The following VPS54 variants were observed in gnomAD, a reference collection of about 807,000 sequenced individuals.
The protein encoded by VPS54 is vacuolar protein sorting-associated protein 54.
In VPS54, 45 loss-of-function variants were observed where a neutral mutation model predicts 121.5. The ratio of observed to expected loss-of-function variants is 0.37; its 90% CI spans 0.29 to 0.47. VPS54 has a LOEUF of 0.47. Ranked by LOEUF, VPS54 falls within the 20% of genes least tolerant of loss-of-function variation. The pLI is 0.99. For missense variants in VPS54, 1,090 were observed against 1,131.4 expected (o/e 0.96, Z 0.52); for synonymous variants, 371 against 385.8 (o/e 0.96, Z 0.45).
intron 11 of VPS54, among the ~76,000 whole-genome samples, chr2:63,938,750 C>A (rs551964225): frequency 6.6e-6 from 1 of 152,284 alleles, no homozygotes; most frequent in South Asian, 2.1e-4. Context: ...CAGGCGTGAG[C>A]CACCACGCCA....
chr2:63,991,365 C>T (rs1482065728), intron 1 of VPS54, among the ~76,000 whole-genome samples: 4 of 152,186 alleles, frequency 2.6e-5, no homozygotes, highest in Non-Finnish European at 5.9e-5. Context: ...GCCATGCATT[C>T]CATCCAATGA....
In VPS54 at chr2:63,965,971, TA is replaced by T. The variant is rs776582501; in HGVS notation, c.493-6del. 1.6e-5 allele frequency: 25 copies of T among 1,600,928 alleles called. No homozygotes were observed. The highest frequency in any genetic ancestry group is 1.7e-4 in the Middle Eastern group (1 of 5,794). On this transcript the variant is annotated splice_region_variant and splice_polypyrimidine_tract_variant and intron_variant, in intron 5 of 22. Transcript: ENST00000272322. Reference sequence around the variant, plus strand: ...AAAATCTGGTTTCATAAAAATCTATTAAAAAAATGCATTTCCCTCAATTAGA... The same window carrying T: ...AAAATCTGGTTTCATAAAAATCTATTAAAAAATGCATTTCCCTCAATTAGA...
intron 1 of VPS54, among the ~76,000 whole-genome samples, chr2:64,002,146 C>A (rs772643000): frequency 3.5e-4 from 53 of 152,188 alleles, no homozygotes; most frequent in Non-Finnish European, 5.1e-4. Flanking sequence ...TGAGAAGTCT[C>A]ACAATTGCTG....
intron 7 of VPS54, among the ~76,000 whole-genome samples, chr2:63,952,893 A>G (rs1386304741): frequency 6.6e-6 from 1 of 152,180 alleles, no homozygotes; most frequent in Non-Finnish European, 1.5e-5. Context: ...ACCAAAGAAC[A>G]TACATTAACT....
At position 63,989,617 on chromosome 2, in the gene VPS54, G is replaced by A. The variant is rs753343943; in HGVS notation, c.-20-5598C>T. ...GAACCCGATTCCCTTTGGTAGGTGCGGAGAAATGTCATCGGTTCGGTCCAC... is the reference window on the plus strand; with the variant it reads ...GAACCCGATTCCCTTTGGTAGGTGCAGAGAAATGTCATCGGTTCGGTCCAC... On this transcript the variant is annotated intron_variant, in intron 1 of 22. Transcript: ENST00000272322. 9.2e-5 allele frequency among the ~76,000 whole-genome samples: 14 copies of A among 152,132 alleles called. No individual in the cohort carries two copies. The East Asian group carries it at 9.6e-4, about 10-fold the overall frequency.
intron 10 of VPS54, among the ~76,000 whole-genome samples, chr2:63,944,311 C>T (rs1042513112): frequency 6.6e-6 from 1 of 151,538 alleles, no homozygotes; most frequent in African/African-American, 2.4e-5. Flanking sequence ...AGTAAAGGTA[C>T]CTACTCCTCT....
chr2:63,914,049 C>A, intron 17 of VPS54, 133 bp downstream of exon 17: 1 of 1,026,742 alleles, frequency 9.7e-7, no homozygotes, highest in Admixed American at 2.8e-5. Context: ...GTGATTCAAC[C>A]ACAATCAAAT....
At chr2:64,014,198 A>T (rs971842334) in intron 1 of VPS54, among the ~76,000 whole-genome samples, 68 of 152,230 alleles carry the variant, frequency 4.5e-4, no homozygotes, top group African/African-American at 1.6e-3. Flanking sequence ...ATAATAGAAA[A>T]ACCCTTCAAA....
intron 12 of VPS54, among the ~76,000 whole-genome samples, chr2:63,930,801 G>A (rs1327003369): frequency 6.7e-6 from 1 of 150,312 alleles, no homozygotes; most frequent in Non-Finnish European, 1.5e-5. Flanking sequence ...AAGCTGATAA[G>A]CAACTTCAGC....
At chr2:64,005,267 C>T (rs1267028099) in intron 1 of VPS54, among the ~76,000 whole-genome samples, 3 of 150,994 alleles carry the variant, frequency 2.0e-5, no homozygotes, top group South Asian at 2.1e-4. Context: ...CCGCGCCCGG[C>T]TAATTTTTTG....
intron 5 of VPS54, among the ~76,000 whole-genome samples, chr2:63,966,177 A>C (rs1195086162): frequency 6.6e-6 from 1 of 152,180 alleles, no homozygotes; most frequent in African/African-American, 2.4e-5. Flanking sequence ...AAGATACAAA[A>C]TGTTTTTTGC....
intron 12 of VPS54, among the ~76,000 whole-genome samples, chr2:63,925,860 T>C (rs1327442394): frequency 6.6e-6 from 1 of 152,210 alleles, no homozygotes; most frequent in African/African-American, 2.4e-5. Flanking sequence ...TCTGAAGAGC[T>C]GGTAAAGTTA....
At chr2:63,911,300 C>G (rs1673137689) in intron 20 of VPS54, among the ~76,000 whole-genome samples, 1 of 152,092 alleles carries the variant, frequency 6.6e-6, no homozygotes, top group Non-Finnish European at 1.5e-5. Flanking sequence ...ATAGGCATAA[C>G]ATAGTATAGG....
At chr2:64,012,894 G>A (rs1236374542) in intron 1 of VPS54, among the ~76,000 whole-genome samples, 3 of 152,082 alleles carry the variant, frequency 2.0e-5, no homozygotes, top group Non-Finnish European at 4.4e-5. Flanking sequence ...TCTACATTCC[G>A]TGGCCTATAT....
chr2:63,930,343 G>C (rs568460714), intron 12 of VPS54, among the ~76,000 whole-genome samples: 1 of 152,230 alleles, frequency 6.6e-6, no homozygotes, highest in Non-Finnish European at 1.5e-5. Context: ...TCCCTGGGAT[G>C]CAAGGCTGGT....
chr2:64,018,780 G>A (rs931141855), intron 1 of VPS54, among the ~76,000 whole-genome samples, 158 bp downstream of exon 1: 7 of 151,430 alleles, frequency 4.6e-5, no homozygotes, highest in Admixed American at 6.6e-5. Flanking sequence ...GTGGCGGAGA[G>A]GAGCATGGAA....
At chr2:63,906,476 C>A (rs1388127411) in intron 20 of VPS54, among the ~76,000 whole-genome samples, 1 of 152,056 alleles carries the variant, frequency 6.6e-6, no homozygotes, top group Non-Finnish European at 1.5e-5. Context: ...TATCTGTTTA[C>A]TGAAAAATAC....
At chr2:63,988,268 A>T (rs187900790) in intron 1 of VPS54, among the ~76,000 whole-genome samples, 2 of 152,094 alleles carry the variant, frequency 1.3e-5, no homozygotes, top group African/African-American at 4.8e-5. Flanking sequence ...GAATCAATTG[A>T]TATGTTTTTT....
chr2:63,934,602 A>T (rs1213858770), intron 11 of VPS54, among the ~76,000 whole-genome samples: 2 of 152,116 alleles, frequency 1.3e-5, no homozygotes, highest in Non-Finnish European at 2.9e-5. Context: ...TCCAGTGGTC[A>T]CTTCCTCAGA....
Sources: gnomAD v4.1 joint callset for allele counts (sites outside exome capture counted in the v4.1 genomes callset) on GRCh38, gnomAD v4.1.1 for gene constraint, MANE v1.5 for transcripts, NCBI Gene and HGNC (gene_info 2026-07-23, HGNC 2026-07-21) for gene names.